Variants in MECOM observed in about 807,000 individuals in gnomAD.
MECOM encodes the protein histone-lysine N-methyltransferase MECOM.
MECOM carries 13 observed loss-of-function variants against 116.3 expected under a neutral mutation model. The ratio of observed to expected loss-of-function variants is 0.11; its 90% CI spans 0.07 to 0.18. The LOEUF is 0.18. MECOM is among the 10% of genes least tolerant of loss of function. MECOM has a pLI of 1.00. For missense variants in MECOM, 1,299 were observed against 1,509.0 expected (o/e 0.86, Z 2.31); for synonymous variants, 528 against 535.2 (o/e 0.99, Z 0.19).
chr3:169,472,552 A>AAAG (rs1749580297), intron 1 of MECOM, among the ~76,000 whole-genome samples: 3 of 57,790 alleles, frequency 5.2e-5, no homozygotes, highest in Non-Finnish European at 6.8e-5. Context: ...GGAAAGGAAA[A>AAAG]GAAAAGAGAG....
At chr3:169,467,326 G>A (rs910475975) in intron 1 of MECOM, among the ~76,000 whole-genome samples, 1 of 152,148 alleles carries the variant, frequency 6.6e-6, no homozygotes, top group Non-Finnish European at 1.5e-5. Context: ...CAATTCTTCA[G>A]CAGTCCACCT....
chr3:169,551,234 T>C (rs577521625), intron 1 of MECOM, among the ~76,000 whole-genome samples: 1 of 152,314 alleles, frequency 6.6e-6, no homozygotes, highest in South Asian at 2.1e-4. Flanking sequence ...ATCTGCTGTC[T>C]ACTTCTATGT....
At position 169,602,022 on chromosome 3, in the gene MECOM, T is replaced by C. The variant is rs530519915; in HGVS notation, c.37+61314A>G. Among the ~76,000 whole-genome samples, 4 of 152,260 alleles carry C rather than the reference T, an allele frequency of 2.6e-5. No homozygotes were observed. The South Asian group carries it at 8.3e-4, about 32-fold the overall frequency. On this transcript the variant is annotated intron_variant, in intron 1 of 16. Transcript: ENST00000651503. Reference sequence around the variant, plus strand: ...TCCCCCTTCAAGAAGAGGAACCCATTAATTACCACGTATGGGGAAAGAAGA... The same window carrying C: ...TCCCCCTTCAAGAAGAGGAACCCATCAATTACCACGTATGGGGAAAGAAGA...
intron 2 of MECOM, among the ~76,000 whole-genome samples, chr3:169,301,794 T>C (rs1345430150): frequency 6.6e-6 from 1 of 152,188 alleles, no homozygotes; most frequent in Non-Finnish European, 1.5e-5. Flanking sequence ...AGGTGAAACT[T>C]ACAAACTAAT....
chr3:169,269,749 A>G (rs1264015301), intron 2 of MECOM, among the ~76,000 whole-genome samples: 1 of 152,210 alleles, frequency 6.6e-6, no homozygotes, highest in African/African-American at 2.4e-5. Flanking sequence ...TGTCTTCAGC[A>G]GGTGCTTGAA....
At chr3:169,485,936 T>C (rs1252508216) in intron 1 of MECOM, among the ~76,000 whole-genome samples, 19 of 69,812 alleles carry the variant, frequency 2.7e-4, no homozygotes, top group African/African-American at 1.3e-3. Flanking sequence ...ATATATAGTA[T>C]ATATGTATGT....
intron 1 of MECOM, among the ~76,000 whole-genome samples, chr3:169,508,944 C>T (rs1263627776): frequency 1.3e-5 from 2 of 152,160 alleles, no homozygotes; most frequent in Non-Finnish European, 2.9e-5. Flanking sequence ...TGCCTATATA[C>T]AATCATGAAA....
Position 169,146,417 on chromosome 3 carries a change from G to A in MECOM, c.376-2585C>T, listed in dbSNP as rs556878663. On this transcript the variant is annotated intron_variant, in intron 2 of 16. Transcript: ENST00000651503. ...ACCGACGGACAGAGACACACGGAGG[G>A]AGGGGAAGGAGGAGAAGAGCGCAAG... is the stretch of plus-strand genomic sequence containing the variant. 5,622 of 1,393,262 alleles carry A rather than the reference G, an allele frequency of 4.0e-3. 13 individuals carry two copies. Among genetic ancestry groups the A allele is most frequent in the Non-Finnish European group, 4.7e-3 (4,915 of 1,046,262 alleles). 86.3% of individuals were successfully genotyped at this position (1,393,262 alleles called of 1,614,324 possible).
chr3:169,359,905 T>C (rs1300103509), intron 2 of MECOM, among the ~76,000 whole-genome samples: 1 of 151,724 alleles, frequency 6.6e-6, no homozygotes, highest in African/African-American at 2.4e-5. Context: ...TCATAGCATG[T>C]GGTAGTTTTG....
At chr3:169,370,559 A>G (rs1729918362) in intron 2 of MECOM, among the ~76,000 whole-genome samples, 1 of 152,012 alleles carries the variant, frequency 6.6e-6, no homozygotes, top group Non-Finnish European at 1.5e-5. Context: ...TCTGCAAAGC[A>G]AAGGAAACAA....
chr3:169,564,275 C>T (rs1426232014), intron 1 of MECOM, among the ~76,000 whole-genome samples: 4 of 152,106 alleles, frequency 2.6e-5, no homozygotes, highest in Non-Finnish European at 5.9e-5. Context: ...CCAGCCAAGA[C>T]TCACCATCTG....
intron 13 of MECOM, among the ~76,000 whole-genome samples, chr3:169,094,695 G>A (rs1449725694): frequency 5.3e-5 from 8 of 152,180 alleles, no homozygotes; most frequent in Admixed American, 1.3e-4. Context: ...TTCAGAGGGT[G>A]ACATTCTGGG....
intron 1 of MECOM, among the ~76,000 whole-genome samples, chr3:169,568,461 T>A (rs532252797): frequency 6.6e-6 from 1 of 152,004 alleles, no homozygotes; most frequent in Admixed American, 6.6e-5. Flanking sequence ...CAAACTAAGA[T>A]CCACTGGCTT....
At chr3:169,589,058 T>C (rs1265106906) in intron 1 of MECOM, among the ~76,000 whole-genome samples, 1 of 152,100 alleles carries the variant, frequency 6.6e-6, no homozygotes, top group Non-Finnish European at 1.5e-5. Context: ...TACCTTGTGC[T>C]CTCAACTCAG....
chr3:169,659,558 G>A (rs961338483), intron 1 of MECOM, among the ~76,000 whole-genome samples: 5 of 143,662 alleles, frequency 3.5e-5, no homozygotes, highest in Admixed American at 3.1e-4. Flanking sequence ...TAATGGTCAA[G>A]TAATAGCAAA....
At chr3:169,118,614 GA>G (rs781036621) in intron 7 of MECOM, among the ~76,000 whole-genome samples, 3 of 152,116 alleles carry the variant, frequency 2.0e-5, no homozygotes, top group Admixed American at 2.0e-4. Flanking sequence ...AAAAGGCATT[GA>G]AAAAATGTCT....
chr3:169,546,662 C>G (rs1430114850), intron 1 of MECOM, among the ~76,000 whole-genome samples: 2 of 151,958 alleles, frequency 1.3e-5, no homozygotes, highest in African/African-American at 4.8e-5. Context: ...AAACATGAGA[C>G]AAGTTAGTAC....
chr3:169,153,369 T>G (rs966019083), intron 2 of MECOM, among the ~76,000 whole-genome samples: 20 of 152,290 alleles, frequency 1.3e-4, no homozygotes, highest in African/African-American at 4.6e-4. Flanking sequence ...TTTATATCAC[T>G]AGGAAAAATT....
At chr3:169,617,913 C>T (rs1431633287) in intron 1 of MECOM, among the ~76,000 whole-genome samples, 3 of 152,166 alleles carry the variant, frequency 2.0e-5, no homozygotes, top group Non-Finnish European at 4.4e-5. Context: ...AACTGTCTCC[C>T]CTCTCCTGTC....
Sources: allele counts gnomAD v4.1 joint callset (sites outside exome capture counted in the v4.1 genomes callset), GRCh38; gene constraint gnomAD v4.1.1; transcripts MANE v1.5; gene names NCBI Gene and HGNC (gene_info 2026-07-23, HGNC 2026-07-21).